Variants in NDRG1 observed in about 807,000 individuals in gnomAD.
NDRG1 encodes protein NDRG1.
A neutral mutation model predicts 56.9 loss-of-function variants in NDRG1; 32 were observed. The observed-to-expected ratio is 0.56, with a 90% CI of 0.42 to 0.76. The LOEUF (loss-of-function observed/expected upper bound fraction) is 0.76, where lower values mean the gene tolerates loss of function less well. Among genes scored for constraint, NDRG1 ranks in the 30% least tolerant of loss-of-function variants. The pLI, the probability that NDRG1 is intolerant of heterozygous loss-of-function variation, is 0.00. For missense variants in NDRG1, 507 were observed against 545.7 expected (o/e 0.93, Z 0.71); for synonymous variants, 211 against 204.1 (o/e 1.03, Z -0.29).
At position 133,284,396 on chromosome 8, in the gene NDRG1, C is replaced by T. The variant is rs913492024; in HGVS notation, c.-18-67G>A. 6 of 1,473,904 alleles carry T rather than the reference C, an allele frequency of 4.1e-6. No homozygotes were observed. In the Admixed American group the frequency reaches 8.4e-5, roughly 21 times the overall value. 91.3% of individuals were successfully genotyped at this position (1,473,904 alleles called of 1,614,324 possible). Reference sequence around the variant, plus strand: ...AGAGGTTTCCTAAAGGAAGCAAATCCAAGACCAATGGCAAGAAGGCCAGGC... The same window carrying T: ...AGAGGTTTCCTAAAGGAAGCAAATCTAAGACCAATGGCAAGAAGGCCAGGC... On this transcript the variant is annotated intron_variant, in intron 1 of 15. Coordinates refer to ENST00000323851, the MANE Select transcript of NDRG1 (RefSeq NM_006096.4).
chr8:133,242,216 CA>C, intron 14 of NDRG1, 142 bp from the exon 15 acceptor site: 1 of 825,702 alleles, frequency 1.2e-6, no homozygotes, highest in Non-Finnish European at 2.1e-6. Flanking sequence ...GGACAAAACA[CA>C]AAAGTAAGAG....
At chr8:133,281,869 G>A (rs1320566311) in intron 2 of NDRG1, among the ~76,000 whole-genome samples, 1 of 152,186 alleles carries the variant, frequency 6.6e-6, no homozygotes, top group Non-Finnish European at 1.5e-5. Context: ...GCATGTGAGT[G>A]TGTACTGGTG....
chr8:133,270,323 C>A (rs1365481806), intron 3 of NDRG1, among the ~76,000 whole-genome samples: 1 of 152,222 alleles, frequency 6.6e-6, no homozygotes, highest in Non-Finnish European at 1.5e-5. Flanking sequence ...GGCTTGGGAG[C>A]TTTAAAACTA....
At position 133,237,975 on chromosome 8, in the gene NDRG1, A is replaced by T. The variant is rs1277655756; in HGVS notation, c.*903T>A. 4.3e-6 allele frequency: 1 copy of T among 233,042 alleles called. No individual in the cohort carries two copies. The highest frequency in any genetic ancestry group is 8.5e-6 in the Non-Finnish European group (1 of 117,984). 14.4% of individuals were successfully genotyped at this position (233,042 alleles called of 1,614,324 possible). On this transcript the variant is annotated 3_prime_UTR_variant, in exon 16 of 16. Coordinates refer to ENST00000323851, the MANE Select transcript of NDRG1 (RefSeq NM_006096.4). ...CCCTGCAAGGACACTCATCACAGCC[A>T]GGGCAGCTGTGGAATGTTGCCCTCC...
At chr8:133,247,766 T>G (rs1302042108) in intron 12 of NDRG1, 109 bp downstream of exon 12, 78 of 1,185,418 alleles carry the variant, frequency 6.6e-5, no homozygotes, top group Middle Eastern at 2.3e-4. Context: ...AAACATCACC[T>G]GCCCTGATGG....
At chr8:133,280,174 A>G in intron 3 of NDRG1, 58 bp downstream of exon 3, 2 of 1,598,164 alleles carry the variant, frequency 1.3e-6, no homozygotes, top group Non-Finnish European at 1.7e-6. Context: ...ATGGAAAGAA[A>G]AAGGAAAAAG....
chr8:133,280,886 T>TA (rs1857758220), intron 2 of NDRG1: 1 of 153,006 alleles, frequency 6.5e-6, no homozygotes, highest in Non-Finnish European at 1.5e-5. Context: ...ATCTGACTAT[T>TA]AACTGGTCTC....
At chr8:133,250,760 C>T (rs956870917) in intron 9 of NDRG1, among the ~76,000 whole-genome samples, 7 of 151,984 alleles carry the variant, frequency 4.6e-5, no homozygotes, top group Non-Finnish European at 5.9e-5. Flanking sequence ...AGAAAAGACC[C>T]CCATCCTGGA....
At position 133,244,923 on chromosome 8, in the gene NDRG1, T is replaced by C. The variant is rs139327041; in HGVS notation, c.856-533A>G. On this transcript the variant is annotated intron_variant, in intron 13 of 15. Transcript: ENST00000323851. ...GAAATCACCGAACCGCAAGAGGCCA[T>C]TGCAGGCTGTGAGACTGTGCAGCCA... Among the ~76,000 whole-genome samples the C allele has an allele frequency of 4.3e-3, 648 of 152,272 alleles. 1 individual carries two copies. The highest frequency in any genetic ancestry group is 0.015 in the African/African-American group (614 of 41,550).
intron 1 of NDRG1, among the ~76,000 whole-genome samples, chr8:133,295,491 ACACAC>A (rs2130820394): frequency 6.6e-6 from 1 of 152,310 alleles, no homozygotes; most frequent in South Asian, 2.1e-4. Context: ...CTGCCGCCAC[ACACAC>A]CACACAGAAC....
intron 6 of NDRG1, 125 bp downstream of exon 6, chr8:133,259,043 C>A (rs1856529491): frequency 5.3e-6 from 5 of 946,830 alleles, no homozygotes; most frequent in Non-Finnish European, 8.7e-6. Context: ...GAGCTAATTT[C>A]TTGCCTCATC....
chr8:133,274,087 G>A (rs944493287), intron 3 of NDRG1, among the ~76,000 whole-genome samples: 3 of 152,202 alleles, frequency 2.0e-5, no homozygotes, highest in Non-Finnish European at 4.4e-5. Context: ...GCCTGACAGC[G>A]CTGGCAGAAC....
intron 3 of NDRG1, 165 bp from the exon 4 acceptor site, chr8:133,264,817 C>T: frequency 4.4e-6 from 3 of 683,360 alleles, no homozygotes; most frequent in Non-Finnish European, 8.0e-6. Context: ...AGAAGCCACT[C>T]CAAGGACCAG....
In NDRG1 at chr8:133,264,665, A is replaced by G. The variant is rs1856827538; in HGVS notation, c.100-13T>C. ...CGATGTCCTGCTCCTGAGGAGACAC[A>G]GCAGACAGTGGGCTGGTCATGTGGG... On this transcript the variant is annotated splice_polypyrimidine_tract_variant and intron_variant, in intron 3 of 15. Coordinates refer to ENST00000323851, the MANE Select transcript of NDRG1 (RefSeq NM_006096.4). The G allele has an allele frequency of 6.2e-7, 1 of 1,610,652 alleles. No homozygotes were observed. The highest frequency in any genetic ancestry group is 1.3e-5 in the African/African-American group (1 of 74,874).
At chr8:133,252,661 G>A (rs1323449124) in intron 9 of NDRG1, among the ~76,000 whole-genome samples, 2 of 151,476 alleles carry the variant, frequency 1.3e-5, no homozygotes, top group Non-Finnish European at 2.9e-5. Context: ...ACTCCAGAGT[G>A]GGGCCTCTGT....
chr8:133,284,422 C>T, intron 1 of NDRG1, 93 bp from the exon 2 acceptor site: 1 of 1,119,328 alleles, frequency 8.9e-7, no homozygotes, highest in Non-Finnish European at 1.3e-6. Flanking sequence ...AAGGCCAGGC[C>T]TGCGCTCTGC....
chr8:133,260,905 C>T (rs1181864057), intron 5 of NDRG1, among the ~76,000 whole-genome samples: 1 of 152,098 alleles, frequency 6.6e-6, no homozygotes, highest in Non-Finnish European at 1.5e-5. Flanking sequence ...TCTGCCACCC[C>T]CACATGATGC....
intron 3 of NDRG1, among the ~76,000 whole-genome samples, chr8:133,278,960 A>G (rs2929999): frequency 0.93 from 139,968 of 150,496 alleles, 65,208 homozygotes; most frequent in East Asian, 1. Flanking sequence ...ACGTGGTCTC[A>G]GCTCACTGCA....
chr8:133,272,548 CAGG>C (rs757318364), intron 3 of NDRG1, among the ~76,000 whole-genome samples: 1 of 152,218 alleles, frequency 6.6e-6, no homozygotes, highest in Non-Finnish European at 1.5e-5. Flanking sequence ...TCTGGGACAC[CAGG>C]AGATGAGTGA....
Sources: gnomAD v4.1 joint callset for allele counts (sites outside exome capture counted in the v4.1 genomes callset) on GRCh38, gnomAD v4.1.1 for gene constraint, MANE v1.5 for transcripts, NCBI Gene and HGNC (gene_info 2026-07-23, HGNC 2026-07-21) for gene names.